Variants in LARGE1 observed in about 807,000 individuals in gnomAD.
LARGE1 encodes LARGE xylosyl- and glucuronyltransferase 1.
In LARGE1, 43 loss-of-function variants were observed where a neutral mutation model predicts 87.6. The ratio of observed to expected loss-of-function variants is 0.49; its 90% CI spans 0.38 to 0.63. The LOEUF (loss-of-function observed/expected upper bound fraction) is 0.63. Ranked by LOEUF, LARGE1 falls within the 30% of genes least tolerant of loss-of-function variation. The pLI, the probability that LARGE1 is intolerant of heterozygous loss-of-function variation, is 0.00. For missense variants in LARGE1, 802 were observed against 1,000.2 expected (o/e 0.80, Z 2.67); for synonymous variants, 434 against 394.6 (o/e 1.10, Z -1.18).
chr22:33,847,173 C>T (rs1229547782), intron 1 of LARGE1, among the ~76,000 whole-genome samples: 16 of 152,118 alleles, frequency 1.1e-4, no homozygotes, highest in Non-Finnish European at 1.8e-4. Context: ...AGCCAGCCGA[C>T]GCTTAGGAAA....
chr22:33,769,004 C>G (rs1352448811), intron 1 of LARGE1, among the ~76,000 whole-genome samples: 4 of 152,194 alleles, frequency 2.6e-5, no homozygotes, highest in African/African-American at 9.7e-5. Flanking sequence ...ACCCCTTCTC[C>G]TCTCTGCTCC....
At chr22:33,806,171 C>T (rs1219352646) in intron 1 of LARGE1, among the ~76,000 whole-genome samples, 1 of 151,484 alleles carries the variant, frequency 6.6e-6, no homozygotes, top group East Asian at 2.0e-4. Context: ...CTGGATATAT[C>T]TTATGAATGG....
intron 7 of LARGE1, among the ~76,000 whole-genome samples, chr22:33,413,018 A>G (rs2066362739): frequency 6.6e-6 from 1 of 152,246 alleles, no homozygotes; most frequent in African/African-American, 2.4e-5. Flanking sequence ...TAAAAATTTA[A>G]CAATAGGCTT....
At chr22:33,534,244 A>G (rs1205859595) in intron 6 of LARGE1, among the ~76,000 whole-genome samples, 1 of 151,780 alleles carries the variant, frequency 6.6e-6, no homozygotes, top group African/African-American at 2.4e-5. Flanking sequence ...CTCTACTAAA[A>G]ATACAAAAAA....
chr22:33,872,018 G>A (rs1370363510), intron 1 of LARGE1, among the ~76,000 whole-genome samples: 1 of 140,702 alleles, frequency 7.1e-6, no homozygotes, highest in Non-Finnish European at 1.6e-5. Context: ...ACAATATTGG[G>A]GAAAGGAATG....
intron 2 of LARGE1, among the ~76,000 whole-genome samples, chr22:33,668,197 T>C (rs968073592): frequency 1.3e-5 from 2 of 152,226 alleles, no homozygotes; most frequent in African/African-American, 4.8e-5. Context: ...TATAATAAGC[T>C]TGATGAAACT....
chr22:33,415,167 C>T (rs1192887124), intron 7 of LARGE1, among the ~76,000 whole-genome samples: 1 of 152,210 alleles, frequency 6.6e-6, no homozygotes. Context: ...AAGGCAGATG[C>T]TCCAGTTCAC....
At chr22:33,144,816 C>A in the LARGE1 span, among the ~76,000 whole-genome samples, 1 of 151,974 alleles carries the variant, frequency 6.6e-6, no homozygotes, top group East Asian at 1.9e-4. Flanking sequence ...AGGAAATGGG[C>A]AAAGCAAATG....
At chr22:33,567,825 G>A (rs1358541108) in intron 5 of LARGE1, among the ~76,000 whole-genome samples, 2 of 151,984 alleles carry the variant, frequency 1.3e-5, no homozygotes, top group Non-Finnish European at 2.9e-5. Context: ...AGGTATGCCC[G>A]TTGTTTAGCT....
chr22:33,481,388 C>T (rs1433143917), intron 6 of LARGE1, among the ~76,000 whole-genome samples: 1 of 151,928 alleles, frequency 6.6e-6, no homozygotes, highest in Non-Finnish European at 1.5e-5. Context: ...GGAGAACATT[C>T]ATGTCTGTGG....
chr22:33,194,409 T>A (rs1923957065), intron 11 of LARGE1, among the ~76,000 whole-genome samples: 2 of 152,212 alleles, frequency 1.3e-5, no homozygotes, highest in Non-Finnish European at 2.9e-5. Context: ...CAGAAGGTCA[T>A]TTGCCAAGTT....
chr22:33,722,970 A>C (rs2083154666), intron 2 of LARGE1, among the ~76,000 whole-genome samples: 1 of 152,154 alleles, frequency 6.6e-6, no homozygotes, highest in African/African-American at 2.4e-5. Flanking sequence ...GGAATGCGGT[A>C]AGTGAGCCAC....
chr22:33,723,138 G>T (rs902464520), intron 2 of LARGE1, among the ~76,000 whole-genome samples: 3 of 152,208 alleles, frequency 2.0e-5, no homozygotes, highest in Non-Finnish European at 4.4e-5. Context: ...AAAGGGGTCA[G>T]ACAGAAGCTA....
chr22:33,419,671 T>TTTG lies in LARGE1; in HGVS notation c.892+12487_892+12489dup, dbSNP rs373250148. 7.9e-5 allele frequency among the ~76,000 whole-genome samples: 12 copies of TTTG among 151,100 alleles called. No individual in the cohort carries two copies. In the South Asian group the frequency reaches 1.7e-3, roughly 21 times the overall value. On this transcript the variant is annotated intron_variant, in intron 7 of 14. Coordinates refer to ENST00000397394, the MANE Select transcript of LARGE1 (RefSeq NM_133642.5). The stretch of plus-strand genomic sequence containing the variant: ...ATTTGTGGCCAGATGAATCTTTGTT[T>TTTG]TTGTTGTTGTTGTTGTTGTTTTTTG...
At chr22:33,432,114 C>G (rs1223496117) in intron 7 of LARGE1, 47 bp downstream of exon 7, 4 of 1,464,994 alleles carry the variant, frequency 2.7e-6, no homozygotes, top group Non-Finnish European at 3.8e-6. Context: ...GCACTGGGTC[C>G]TCATATCACC....
intron 5 of LARGE1, among the ~76,000 whole-genome samples, chr22:33,573,204 C>T (rs924491208): frequency 1.3e-4 from 20 of 152,210 alleles, no homozygotes; most frequent in South Asian, 8.3e-4. Flanking sequence ...TTTGGTAGGC[C>T]GAGGCGGATG....
intron 9 of LARGE1, among the ~76,000 whole-genome samples, chr22:33,363,436 A>G (rs2064460044): frequency 6.7e-6 from 1 of 149,638 alleles, no homozygotes; most frequent in Non-Finnish European, 1.5e-5. Context: ...GAAACCCCTT[A>G]TAAAACCATC....
At chr22:33,246,307 T>C (rs1042334569) in intron 11 of LARGE1, among the ~76,000 whole-genome samples, 4 of 152,192 alleles carry the variant, frequency 2.6e-5, no homozygotes, top group African/African-American at 4.8e-5. Context: ...GCCAAATTCC[T>C]TAATCAAGTA....
At chr22:33,846,489 A>C (rs1456871855) in intron 1 of LARGE1, among the ~76,000 whole-genome samples, 1 of 152,198 alleles carries the variant, frequency 6.6e-6, no homozygotes, top group Non-Finnish European at 1.5e-5. Flanking sequence ...GAACAATATG[A>C]AATCTGGGCA....
Sources: gnomAD v4.1 joint callset for allele counts (sites outside exome capture counted in the v4.1 genomes callset) on GRCh38, gnomAD v4.1.1 for gene constraint, MANE v1.5 for transcripts, NCBI Gene and HGNC (gene_info 2026-07-23, HGNC 2026-07-21) for gene names.